The following GINS3 variants were observed in gnomAD, a reference collection of about 807,000 sequenced individuals.
GINS3 encodes the protein DNA replication complex GINS protein PSF3.
In GINS3, 18 loss-of-function variants were observed where a neutral mutation model predicts 20.0. That is an observed-to-expected ratio of 0.90 (90% CI 0.62 to 1.33). The LOEUF is 1.33. Among genes scored for constraint, GINS3 ranks in the 40% most tolerant of loss-of-function variants. GINS3 has a pLI of 0.00. For missense variants in GINS3, 254 were observed against 273.6 expected (o/e 0.93, Z 0.51); for synonymous variants, 109 against 107.0 (o/e 1.02, Z -0.12).
intron 1 of GINS3, among the ~76,000 whole-genome samples, chr16:58,396,072 C>T (rs1965851624): frequency 6.9e-6 from 1 of 144,600 alleles, no homozygotes; most frequent in Non-Finnish European, 1.5e-5. Context: ...GACGGGGCGG[C>T]TGGCCGGGCG....
chr16:58,405,090 T>C lies in GINS3; in HGVS notation c.*361T>C. 4.3e-6 allele frequency: 1 copy of C among 231,576 alleles called. No homozygotes were observed. The highest frequency in any genetic ancestry group is 5.1e-5 in the Admixed American group (1 of 19,554). 14.3% of individuals were successfully genotyped at this position (231,576 alleles called of 1,614,324 possible). On this transcript the variant is annotated 3_prime_UTR_variant, in exon 3 of 3. Transcript: ENST00000318129. ...GTTTGGACAGCTTCAGATGTACAGT[T>C]TCACTAGCCACAAAGCACAGGTACA...
chr16:58,403,750 A>G (rs1197676166), intron 2 of GINS3: 1 of 185,292 alleles, frequency 5.4e-6, no homozygotes, highest in Non-Finnish European at 1.1e-5. Flanking sequence ...AAAAAAGAGA[A>G]AAAAAGGGCT....
intron 1 of GINS3, among the ~76,000 whole-genome samples, chr16:58,400,679 A>G (rs1277661427): frequency 6.6e-6 from 1 of 152,062 alleles, no homozygotes; most frequent in Non-Finnish European, 1.5e-5. Flanking sequence ...CCTTTATTTC[A>G]CTTTTACTTT....
intron 2 of GINS3, 159 bp downstream of exon 2, chr16:58,403,490 T>TACAC (rs112280214): frequency 1.8e-5 from 10 of 563,578 alleles, no homozygotes; most frequent in African/African-American, 1.5e-4. Flanking sequence ...TATATTTACA[T>TACAC]ATATACACAC....
At chr16:58,395,014 TTTC>T (rs1965830199) in intron 1 of GINS3, 1 of 494,110 alleles carries the variant, frequency 2.0e-6, no homozygotes, top group African/African-American at 2.0e-5. Flanking sequence ...TCAGACTTGA[TTTC>T]TTCTTGTGTT....
intron 1 of GINS3, among the ~76,000 whole-genome samples, chr16:58,393,079 CT>C (rs1567534209): frequency 6.6e-6 from 1 of 152,210 alleles, no homozygotes; most frequent in African/African-American, 2.4e-5. Context: ...TGTCTTCCCC[CT>C]ACCCCATGCA....
rs967792027 is a variant in GINS3, at chr16:58,392,513, C to T, written c.-89C>T. ...CTTTCCTGACCCCAACCATCCTGCC[C>T]AGTCTCCGCTTCCCCGTCTTGTACA... On this transcript the variant is annotated 5_prime_UTR_variant, in exon 1 of 3. Coordinates refer to ENST00000318129, the MANE Select transcript of GINS3 (RefSeq NM_022770.4). The T allele has an allele frequency of 3.5e-5, 49 of 1,416,260 alleles. No individual in the cohort carries two copies. The African/African-American group carries it at 6.0e-4, about 17-fold the overall frequency. The allele number at this position is 1,416,260 out of a possible 1,614,324, so 87.7% of individuals were successfully genotyped here.
chr16:58,398,914 A>T (rs942209693), intron 1 of GINS3, among the ~76,000 whole-genome samples: 2 of 152,226 alleles, frequency 1.3e-5, no homozygotes, highest in African/African-American at 4.8e-5. Context: ...GGGAAGTCAT[A>T]GTGTGCAATA....
At chr16:58,396,163 G>A (rs867249351) in intron 1 of GINS3, among the ~76,000 whole-genome samples, 29 of 124,144 alleles carry the variant, frequency 2.3e-4, no homozygotes, top group African/African-American at 8.0e-4. Context: ...CCTCTTGGAC[G>A]GGGCGGCTGG....
chr16:58,397,536 T>G (rs62042602), intron 1 of GINS3, among the ~76,000 whole-genome samples: 1 of 150,886 alleles, frequency 6.6e-6, no homozygotes, highest in African/African-American at 2.4e-5. Flanking sequence ...TGAGTGAACG[T>G]GACTCCGTCT....
intron 1 of GINS3, 53 bp downstream of exon 1, chr16:58,392,840 C>T: frequency 6.6e-7 from 1 of 1,506,652 alleles, no homozygotes; most frequent in Non-Finnish European, 8.9e-7. Context: ...TCCCGGCGGG[C>T]CCCTCGGCCC....
intron 1 of GINS3, among the ~76,000 whole-genome samples, chr16:58,400,023 A>G (rs1430055002): frequency 6.6e-6 from 1 of 152,146 alleles, no homozygotes; most frequent in Non-Finnish European, 1.5e-5. Flanking sequence ...GCATTTCTGT[A>G]GTTCTTTCTG....
At chr16:58,396,199 C>T (rs1965854457) in intron 1 of GINS3, among the ~76,000 whole-genome samples, 1 of 130,460 alleles carries the variant, frequency 7.7e-6, no homozygotes. Context: ...CCTCACTTAC[C>T]AGTAGGGGCG....
chr16:58,392,754 C>T lies in GINS3; in HGVS notation c.153C>T (p.Ser51=), dbSNP rs747968976. Residue 51 remains serine, a synonymous_variant, in exon 1 of 3, where the codon AGC becomes AGT. Coordinates refer to ENST00000318129, the MANE Select transcript of GINS3 (RefSeq NM_022770.4). The part of the protein sequence containing the change: ...PRLGAFFLER[S]AGAETDNAVP... Reference sequence around the variant, plus strand: ...TTGGCGCTTTCTTCCTGGAGCGGAGCGCAGGCGCCGAGACTGACAACGCGG... The same window carrying T: ...TTGGCGCTTTCTTCCTGGAGCGGAGTGCAGGCGCCGAGACTGACAACGCGG... 2.1e-5 allele frequency: 34 copies of T among 1,612,424 alleles called. No homozygotes were observed. In the South Asian group the frequency reaches 3.0e-4, roughly 14 times the overall value.
Position 58,404,796 on chromosome 16 carries a change from T to C in GINS3, c.*67T>C. 8.7e-7 allele frequency: 1 copy of C among 1,152,738 alleles called. No homozygotes were observed. Among genetic ancestry groups the C allele is most frequent in the Non-Finnish European group, 1.3e-6 (1 of 784,984 alleles). 71.4% of individuals were successfully genotyped at this position (1,152,738 alleles called of 1,614,324 possible). A position where few individuals can be genotyped will look rare whatever the true frequency, so the allele number is the denominator to read the frequency against. On this transcript the variant is annotated 3_prime_UTR_variant, in exon 3 of 3. Coordinates refer to ENST00000318129, the MANE Select transcript of GINS3 (RefSeq NM_022770.4). ...TCCGTGTGTCCTTGATAGGAGCTGG[T>C]TGACCTTGTACAGAACCAGAATCCT... is the stretch of plus-strand genomic sequence containing the variant.
At chr16:58,393,852 A>G (rs1406957072) in intron 1 of GINS3, among the ~76,000 whole-genome samples, 1 of 151,852 alleles carries the variant, frequency 6.6e-6, no homozygotes, top group African/African-American at 2.4e-5. Context: ...AAAAAAGTCA[A>G]ATAGTACCAA....
intron 1 of GINS3, 41 bp downstream of exon 1, chr16:58,392,828 GCT>G (rs1965802143): frequency 1.3e-6 from 2 of 1,529,940 alleles, no homozygotes; most frequent in Non-Finnish European, 1.8e-6. Flanking sequence ...AAAGACTGCA[GCT>G]CCCGGCGGGC....
In GINS3 at chr16:58,405,503, G is replaced by T. The variant is rs966719052; in HGVS notation, c.*774G>T. ...TGTCTAGAAAAGCTGTCAGGGAGTC[G>T]TTTGGAATTGCAATGTAGTTATTAA... is the stretch of plus-strand genomic sequence containing the variant. On this transcript the variant is annotated 3_prime_UTR_variant, in exon 3 of 3. Transcript: ENST00000318129. The T allele has an allele frequency of 6.6e-6, 1 of 152,260 alleles. No homozygotes were observed. The highest frequency in any genetic ancestry group is 6.5e-5 in the Admixed American group (1 of 15,298). 9.4% of individuals were successfully genotyped at this position (152,260 alleles called of 1,614,324 possible).
intron 1 of GINS3, among the ~76,000 whole-genome samples, chr16:58,400,538 G>A (rs978416618): frequency 7.2e-5 from 11 of 152,158 alleles, no homozygotes; most frequent in Non-Finnish European, 1.3e-4. Context: ...TCAGTTCTAG[G>A]ACGGGTGAGA....
Sources: gnomAD v4.1 joint callset for allele counts (sites outside exome capture counted in the v4.1 genomes callset) on GRCh38, gnomAD v4.1.1 for gene constraint, MANE v1.5 for transcripts, NCBI Gene and HGNC (gene_info 2026-07-23, HGNC 2026-07-21) for gene names.